RGS7: variants seen among roughly 807,000 people sequenced by gnomAD.
The protein encoded by RGS7 is regulator of G-protein signaling 7.
A neutral mutation model predicts 81.1 loss-of-function variants in RGS7; 27 were observed. The ratio of observed to expected loss-of-function variants is 0.33; its 90% CI spans 0.25 to 0.46. The LOEUF (loss-of-function observed/expected upper bound fraction) is 0.46, where lower values mean the gene tolerates loss of function less well. Ranked by LOEUF, RGS7 falls within the 20% of genes least tolerant of loss-of-function variation. The pLI, the probability that RGS7 is intolerant of heterozygous loss-of-function variation, is 1.00. For synonymous variants in RGS7, 208 were observed against 207.7 expected (o/e 1.00, Z -0.01); for missense variants, 396 against 607.4 (o/e 0.65, Z 3.66).
At chr1:241,247,095 T>C (rs562529047) in intron 2 of RGS7, among the ~76,000 whole-genome samples, 1 of 152,256 alleles carries the variant, frequency 6.6e-6, no homozygotes, top group South Asian at 2.1e-4. Flanking sequence ...TGTTCTCATT[T>C]TATCTAAAAA....
rs2068145078 is a variant in RGS7 at position 241,144,376 on chromosome 1, A to G, written c.79-45614T>C. On this transcript the variant is annotated intron_variant, in intron 2 of 18. Coordinates refer to ENST00000440928, the MANE Select transcript of RGS7 (RefSeq NM_001364886.1). This position sits in a 1 kb window ranked among gnomAD's most constrained non-coding sequence, Gnocchi z 4.7. ...TCCAAATACACTGCAGGTAAGACCCACTACTACTAGTCTCACAGTTTCACA... is the reference window on the plus strand; with the variant it reads ...TCCAAATACACTGCAGGTAAGACCCGCTACTACTAGTCTCACAGTTTCACA... 6.6e-6 allele frequency among the ~76,000 whole-genome samples: 1 copy of G among 152,172 alleles called. No individual in the cohort carries two copies. The highest frequency in any genetic ancestry group is 2.4e-5 in the African/African-American group (1 of 41,432).
Position 240,837,282 on chromosome 1 carries a change from G to A in RGS7, c.610-10110C>T, listed in dbSNP as rs78795037. Among the ~76,000 whole-genome samples the A allele has an allele frequency of 2.6e-4, 39 of 152,296 alleles. No individual in the cohort carries two copies. In the East Asian group the frequency reaches 6.6e-3, roughly 26 times the overall value. ...TCCTGTGACACCTGGCCTGCTGTGCGCACATGAGCGATTGATGTCCTTCCC... is the reference window on the plus strand; with the variant it reads ...TCCTGTGACACCTGGCCTGCTGTGCACACATGAGCGATTGATGTCCTTCCC... On this transcript the variant is annotated intron_variant, in intron 9 of 18. Transcript: ENST00000440928.
At chr1:240,800,036 G>A (rs1687778932) in intron 18 of RGS7, among the ~76,000 whole-genome samples, 1 of 152,152 alleles carries the variant, frequency 6.6e-6, no homozygotes, top group South Asian at 2.1e-4. Flanking sequence ...AATTTCCATT[G>A]TAATTTCAAG....
intron 2 of RGS7, among the ~76,000 whole-genome samples, chr1:241,270,786 C>A (rs1364260085): frequency 1.4e-5 from 2 of 145,762 alleles, no homozygotes; most frequent in East Asian, 4.3e-4. Flanking sequence ...GAGACGGAGT[C>A]TCGCTCTGTC....
At chr1:240,861,711 C>CTTATT (rs1294020232) in intron 9 of RGS7, among the ~76,000 whole-genome samples, 3 of 152,048 alleles carry the variant, frequency 2.0e-5, no homozygotes, top group Non-Finnish European at 2.9e-5. Flanking sequence ...TTCCTAGGGT[C>CTTATT]ACTAATCTTA....
rs565219555 is a variant in RGS7, at chr1:241,173,143, T to TTA, written c.79-74383_79-74382dup. Among the ~76,000 whole-genome samples the TTA allele has an allele frequency of 3.2e-4, 49 of 152,322 alleles. 2 individuals carry two copies. The East Asian group carries it at 9.1e-3, about 28-fold the overall frequency. ...TGCATAAACTGAGGCCCATAGGTTTTTATATCGCTCAACAAAGTGACTGGT... is the reference window on the plus strand; with the variant it reads ...TGCATAAACTGAGGCCCATAGGTTTTTATATATCGCTCAACAAAGTGACTGGT... On this transcript the variant is annotated intron_variant, in intron 2 of 18. Transcript: ENST00000440928.
chr1:241,110,855 T>G (rs1177375482), intron 2 of RGS7, among the ~76,000 whole-genome samples: 1 of 151,966 alleles, frequency 6.6e-6, no homozygotes, highest in South Asian at 2.1e-4. Context: ...CAGCTAATTT[T>G]TGTATTTTTA....
chr1:240,869,206 C>T (rs1260795359), intron 7 of RGS7, among the ~76,000 whole-genome samples: 1 of 152,124 alleles, frequency 6.6e-6, no homozygotes, highest in African/African-American at 2.4e-5. Context: ...AGGAACAGAA[C>T]ATCAGTACAT....
intron 3 of RGS7, among the ~76,000 whole-genome samples, chr1:240,992,883 C>T (rs966812061): frequency 7.3e-5 from 11 of 150,138 alleles, no homozygotes; most frequent in African/African-American, 1.5e-4. Flanking sequence ...GGCATGGTGG[C>T]GTGCACCTGT....
At chr1:241,106,896 C>CT (rs543251900) in intron 2 of RGS7, among the ~76,000 whole-genome samples, 38,384 of 143,848 alleles carry the variant, frequency 0.27, 5,873 homozygotes, top group African/African-American at 0.43. Flanking sequence ...GACGTTTCTG[C>CT]TTTTTTTTTT....
chr1:241,167,675 C>T (rs563129972), intron 2 of RGS7, among the ~76,000 whole-genome samples: 38 of 152,208 alleles, frequency 2.5e-4, no homozygotes, highest in South Asian at 6.2e-4. Context: ...CACACCACCA[C>T]GCCCGGCTAA....
chr1:241,156,403 G>A (rs147908919), intron 2 of RGS7, among the ~76,000 whole-genome samples: 2 of 151,920 alleles, frequency 1.3e-5, no homozygotes, highest in Non-Finnish European at 2.9e-5. Flanking sequence ...ATACTAGGAA[G>A]GCTGAGGCAA....
At chr1:241,065,806 G>C (rs995749196) in intron 3 of RGS7, among the ~76,000 whole-genome samples, 2 of 152,136 alleles carry the variant, frequency 1.3e-5, no homozygotes, top group African/African-American at 2.4e-5. Context: ...TTTATTAACT[G>C]AGTGATGATG....
At chr1:241,120,992 G>T (rs1281349006) in intron 2 of RGS7, among the ~76,000 whole-genome samples, 2 of 152,158 alleles carry the variant, frequency 1.3e-5, no homozygotes, top group African/African-American at 4.8e-5. Flanking sequence ...GACCCCAGAA[G>T]AAAGCTTTGC....
At chr1:241,305,857 G>T in intron 2 of RGS7, 1 of 309,584 alleles carries the variant, frequency 3.2e-6, no homozygotes, top group Non-Finnish European at 6.5e-6. Flanking sequence ...GGCCTTTGTT[G>T]AGGCCCACGG....
intron 2 of RGS7, among the ~76,000 whole-genome samples, chr1:241,340,834 A>G (rs1199868442): frequency 6.6e-6 from 1 of 152,198 alleles, no homozygotes; most frequent in African/African-American, 2.4e-5. Context: ...GTAAGAAAGT[A>G]AAGGAGAGAG....
chr1:240,929,335 A>C (rs1675008312), intron 6 of RGS7, among the ~76,000 whole-genome samples: 1 of 152,212 alleles, frequency 6.6e-6, no homozygotes, highest in Non-Finnish European at 1.5e-5. Context: ...TCTACAAATC[A>C]GTAGTCGTTT....
chr1:240,987,589 ATCACC>A (rs1685859133), intron 3 of RGS7, among the ~76,000 whole-genome samples: 1 of 151,714 alleles, frequency 6.6e-6, no homozygotes, highest in African/African-American at 2.4e-5. Context: ...CAGTGCAACA[ATCACC>A]TCATCGCAGC....
At chr1:241,258,077 G>C (rs1377349466) in intron 2 of RGS7, among the ~76,000 whole-genome samples, 1 of 152,130 alleles carries the variant, frequency 6.6e-6, no homozygotes, top group African/African-American at 2.4e-5. Flanking sequence ...TATGTAATGA[G>C]ACTATCTCTG....
Sources: allele counts gnomAD v4.1 joint callset (sites outside exome capture counted in the v4.1 genomes callset), GRCh38; gene constraint gnomAD v4.1.1; non-coding constraint Gnocchi (gnomAD v3.1); transcripts MANE v1.5; gene names NCBI Gene and HGNC (gene_info 2026-07-23, HGNC 2026-07-21).